The following IMMP2L variants were observed in gnomAD, a reference collection of about 807,000 sequenced individuals.
IMMP2L encodes mitochondrial inner membrane protease subunit 2.
In IMMP2L, 18 loss-of-function variants were observed where a neutral mutation model predicts 19.3. The ratio of observed to expected loss-of-function variants is 0.93; its 90% CI spans 0.64 to 1.38. The LOEUF is 1.38. Ranked by LOEUF, IMMP2L falls within the 40% of genes most tolerant of loss-of-function variation. The pLI is 0.00. For missense variants in IMMP2L, 233 were observed against 218.2 expected, an observed-to-expected ratio of 1.07 and a Z score of -0.43; for synonymous variants, 76 against 73.0, an observed-to-expected ratio of 1.04 and a Z score of -0.21.
At position 111,124,282 on chromosome 7, in the gene IMMP2L, G is replaced by A. The variant is rs145624149; in HGVS notation, c.240-160717C>T. 45 of 1,613,886 alleles carry A rather than the reference G, an allele frequency of 2.8e-5. No homozygotes were observed. Among genetic ancestry groups the A allele is most frequent in the African/African-American group, 6.7e-5 (5 of 75,022 alleles). The stretch of plus-strand genomic sequence containing the variant: ...TTGTATAGCAACTAACCTAGTTGGC[G>A]CTGACTTGAAGTCTGTTATGATCAA... On this transcript the variant is annotated intron_variant, in intron 3 of 5. Transcript: ENST00000405709.
rs1798026004 is a variant in IMMP2L at position 111,101,962 on chromosome 7, G to A, written c.240-138397C>T. On this transcript the variant is annotated intron_variant, in intron 3 of 5. Coordinates refer to ENST00000405709, the MANE Select transcript of IMMP2L (RefSeq NM_032549.4). ...ATGGACAAAACTCTTCTGCCCACAT[G>A]TTCATGAACTCTAATTTTCATACAC... is the stretch of plus-strand genomic sequence containing the variant. Among the ~76,000 whole-genome samples the A allele has an allele frequency of 2.0e-5, 3 of 151,140 alleles. No individual in the cohort carries two copies. In the South Asian group the frequency reaches 6.2e-4, roughly 31 times the overall value.
At chr7:111,474,548 C>A (rs904499200) in intron 3 of IMMP2L, among the ~76,000 whole-genome samples, 1 of 151,756 alleles carries the variant, frequency 6.6e-6, no homozygotes, top group Non-Finnish European at 1.5e-5. Flanking sequence ...GCCTAATTAT[C>A]CATATTGCTT....
chr7:110,854,755 GAAATA>G (rs148913156), intron 5 of IMMP2L, among the ~76,000 whole-genome samples: 2,704 of 151,948 alleles, frequency 0.018, 67 homozygotes, highest in African/African-American at 0.061. Flanking sequence ...TCACCATCTT[GAAATA>G]AAATAGTTTG....
At chr7:111,188,002 T>C (rs1345441582) in intron 3 of IMMP2L, among the ~76,000 whole-genome samples, 26 of 151,920 alleles carry the variant, frequency 1.7e-4, no homozygotes, top group Admixed American at 1.7e-3. Flanking sequence ...GAAGTCCAAG[T>C]TGATTTGGGA....
intron 5 of IMMP2L, among the ~76,000 whole-genome samples, chr7:110,731,573 A>G (rs908938389): frequency 6.6e-6 from 1 of 152,160 alleles, no homozygotes; most frequent in African/African-American, 2.4e-5. Flanking sequence ...TATACACGCA[A>G]TGGTCCTGAA....
At chr7:111,195,963 C>A (rs545118092) in intron 3 of IMMP2L, among the ~76,000 whole-genome samples, 1 of 152,028 alleles carries the variant, frequency 6.6e-6, no homozygotes, top group Non-Finnish European at 1.5e-5. Context: ...AACTCCTGGG[C>A]TCAAGTGATT....
At chr7:110,991,224 T>A (rs138515413) in intron 3 of IMMP2L, among the ~76,000 whole-genome samples, 1 of 152,256 alleles carries the variant, frequency 6.6e-6, no homozygotes, top group Non-Finnish European at 1.5e-5. Context: ...AAATGGCCCA[T>A]GTCACTTCGT....
At chr7:111,429,184 G>T (rs1372882644) in intron 3 of IMMP2L, among the ~76,000 whole-genome samples, 3 of 151,834 alleles carry the variant, frequency 2.0e-5, no homozygotes, top group Non-Finnish European at 4.4e-5. Flanking sequence ...GCAGCTTCAT[G>T]AATCTCTGGG....
intron 1 of IMMP2L, among the ~76,000 whole-genome samples, chr7:111,557,987 T>C (rs1005178890): frequency 3.9e-5 from 6 of 151,970 alleles, no homozygotes; most frequent in Non-Finnish European, 5.9e-5. Context: ...CAGATATCCA[T>C]TACTAAGTCC....
At chr7:110,828,757 A>G (rs976499892) in intron 5 of IMMP2L, among the ~76,000 whole-genome samples, 1 of 152,196 alleles carries the variant, frequency 6.6e-6, no homozygotes, top group African/African-American at 2.4e-5. Flanking sequence ...GATCTAAAAG[A>G]TTCTGAAGAT....
intron 3 of IMMP2L, among the ~76,000 whole-genome samples, chr7:111,023,988 C>A (rs779860524): frequency 1.2e-4 from 19 of 152,068 alleles, no homozygotes; most frequent in Non-Finnish European, 7.4e-5. Flanking sequence ...TAAGAAAAAG[C>A]AAACTATTAT....
At chr7:111,303,061 A>T (rs1822440336) in intron 3 of IMMP2L, among the ~76,000 whole-genome samples, 1 of 152,134 alleles carries the variant, frequency 6.6e-6, no homozygotes, top group South Asian at 2.1e-4. Context: ...TCATACAAAT[A>T]TCATTTGGAA....
At position 111,500,314 on chromosome 7, in the gene IMMP2L, G is replaced by A. The variant is rs571296452; in HGVS notation, c.136-12973C>T. ...GGTAAACAAAGCAGCCCTGAAGCTC[G>A]AACTACGCGGAGACTACCACAGCTC... On this transcript the variant is annotated intron_variant, in intron 2 of 5. Transcript: ENST00000405709. 1.6e-4 allele frequency among the ~76,000 whole-genome samples: 25 copies of A among 152,258 alleles called. No homozygotes were observed. The South Asian group carries it at 1.7e-3, about 10-fold the overall frequency.
intron 3 of IMMP2L, among the ~76,000 whole-genome samples, chr7:111,338,880 T>A (rs1826732980): frequency 6.6e-6 from 1 of 152,112 alleles, no homozygotes. Flanking sequence ...GCAACAAGCT[T>A]CACCAAAAAT....
intron 3 of IMMP2L, among the ~76,000 whole-genome samples, chr7:111,200,608 A>AAAAG (rs58274613): frequency 0.48 from 72,299 of 151,498 alleles, 17,461 homozygotes; most frequent in Non-Finnish European, 0.52. Flanking sequence ...TGCTGGAAAA[A>AAAAG]AAAGAAACAG....
chr7:110,949,188 C>A (rs960887525), intron 4 of IMMP2L, among the ~76,000 whole-genome samples: 2 of 152,070 alleles, frequency 1.3e-5, no homozygotes, highest in Admixed American at 1.3e-4. Context: ...CTAATAAATC[C>A]CCTCTCATAT....
At chr7:111,161,887 A>T (rs998748528) in intron 3 of IMMP2L, among the ~76,000 whole-genome samples, 1 of 152,078 alleles carries the variant, frequency 6.6e-6, no homozygotes, top group African/African-American at 2.4e-5. Flanking sequence ...AACCTGACAA[A>T]CTAAAATGTC....
intron 3 of IMMP2L, among the ~76,000 whole-genome samples, chr7:111,316,243 T>C (rs1223379940): frequency 6.6e-6 from 1 of 151,956 alleles, no homozygotes; most frequent in Admixed American, 6.6e-5. Context: ...GTGGATGGTA[T>C]AAAGAAAGGC....
At chr7:111,226,869 T>C (rs964140869) in intron 3 of IMMP2L, among the ~76,000 whole-genome samples, 1 of 151,988 alleles carries the variant, frequency 6.6e-6, no homozygotes, top group Non-Finnish European at 1.5e-5. Flanking sequence ...ATAGCAATAA[T>C]ACGAAGGGAC....
Sources: gnomAD v4.1 joint callset for allele counts (sites outside exome capture counted in the v4.1 genomes callset) on GRCh38, gnomAD v4.1.1 for gene constraint, MANE v1.5 for transcripts, NCBI Gene and HGNC (gene_info 2026-07-23, HGNC 2026-07-21) for gene names.